MAPKAP1: variants seen among roughly 807,000 people sequenced by gnomAD.
MAPKAP1 encodes the protein target of rapamycin complex 2 subunit MAPKAP1.
In MAPKAP1, 20 loss-of-function variants were observed where a neutral mutation model predicts 65.7. The ratio of observed to expected loss-of-function variants is 0.30; its 90% CI spans 0.21 to 0.44. The LOEUF is 0.44. Ranked by LOEUF, MAPKAP1 falls within the 20% of genes least tolerant of loss-of-function variation. The pLI is 1.00. For missense variants in MAPKAP1, 423 were observed against 648.0 expected, an observed-to-expected ratio of 0.65 and a Z score of 3.77; for synonymous variants, 222 against 244.3, an observed-to-expected ratio of 0.91 and a Z score of 0.85.
intron 5 of MAPKAP1, among the ~76,000 whole-genome samples, chr9:125,566,665 G>C (rs1831064319): frequency 6.6e-6 from 1 of 152,174 alleles, no homozygotes; most frequent in South Asian, 2.1e-4. Context: ...ACCCAAAACT[G>C]AACTCCACTC....
intron 4 of MAPKAP1, among the ~76,000 whole-genome samples, chr9:125,632,225 G>GAA (rs57409863): frequency 4.2e-5 from 6 of 143,408 alleles, no homozygotes; most frequent in Non-Finnish European, 7.5e-5. Flanking sequence ...CCGTCTCAAA[G>GAA]AAAAAAAAAA....
At chr9:125,583,834 C>A (rs563711562) in intron 5 of MAPKAP1, among the ~76,000 whole-genome samples, 1 of 152,110 alleles carries the variant, frequency 6.6e-6, no homozygotes, top group South Asian at 2.1e-4. Flanking sequence ...GAGGCCGAGG[C>A]GGGTGGATCA....
chr9:125,470,596 T>C (rs901967371), intron 9 of MAPKAP1, among the ~76,000 whole-genome samples: 1 of 152,226 alleles, frequency 6.6e-6, no homozygotes, highest in African/African-American at 2.4e-5. Context: ...AGTTCATCCA[T>C]TACCAGCAGT....
intron 6 of MAPKAP1, among the ~76,000 whole-genome samples, chr9:125,549,619 C>T (rs1830527042): frequency 1.3e-5 from 2 of 152,162 alleles, no homozygotes; most frequent in South Asian, 2.1e-4. Flanking sequence ...AAACATAACT[C>T]GCTAGACTAA....
intron 10 of MAPKAP1, among the ~76,000 whole-genome samples, chr9:125,465,779 G>C (rs964479626): frequency 1.3e-5 from 2 of 152,198 alleles, no homozygotes; most frequent in African/African-American, 4.8e-5. Flanking sequence ...GGTATTCCTA[G>C]AGGCATGTGC....
At chr9:125,521,834 A>G (rs1022944510) in intron 7 of MAPKAP1, 6 of 1,505,610 alleles carry the variant, frequency 4.0e-6, no homozygotes, top group Non-Finnish European at 5.5e-6. Flanking sequence ...GAGCTACATG[A>G]AAGTGGTGAC....
chr9:125,646,170 T>C (rs1187382378), intron 4 of MAPKAP1, among the ~76,000 whole-genome samples: 3 of 152,108 alleles, frequency 2.0e-5, no homozygotes, highest in African/African-American at 4.8e-5. Flanking sequence ...CTCAAAGCCT[T>C]TGGGTGGTGA....
intron 8 of MAPKAP1, among the ~76,000 whole-genome samples, chr9:125,489,634 T>C (rs1293889136): frequency 6.6e-6 from 1 of 151,830 alleles, no homozygotes. Context: ...GTCTCGGGAA[T>C]ACAAAATCAG....
intron 1 of MAPKAP1, among the ~76,000 whole-genome samples, chr9:125,684,068 A>G (rs759756822): frequency 1.1e-4 from 17 of 152,222 alleles, no homozygotes; most frequent in Non-Finnish European, 2.5e-4. Context: ...ATAGCATTTT[A>G]TTTCTACCAT....
At chr9:125,633,766 A>G (rs1032860614) in intron 4 of MAPKAP1, among the ~76,000 whole-genome samples, 18 of 152,172 alleles carry the variant, frequency 1.2e-4, no homozygotes, top group Admixed American at 7.2e-4. Context: ...ATAAAAGGGG[A>G]AAAAAAGTAA....
At chr9:125,529,114 C>T (rs1829860305) in intron 7 of MAPKAP1, among the ~76,000 whole-genome samples, 1 of 143,294 alleles carries the variant, frequency 7.0e-6, no homozygotes, top group South Asian at 2.2e-4. Flanking sequence ...GTGGAGGTTG[C>T]AGTGGGCCAA....
intron 3 of MAPKAP1, among the ~76,000 whole-genome samples, chr9:125,666,231 T>A (rs1250580109): frequency 6.6e-6 from 1 of 152,230 alleles, no homozygotes; most frequent in Non-Finnish European, 1.5e-5. Context: ...ATTTCATTTA[T>A]CATGTGGTCT....
chr9:125,506,226 A>G (rs1294709545), intron 8 of MAPKAP1, 84 bp downstream of exon 8: 1 of 1,177,984 alleles, frequency 8.5e-7, no homozygotes, highest in Non-Finnish European at 1.3e-6. Flanking sequence ...TAGGGAAACC[A>G]GACCAGTGAG....
At chr9:125,607,196 A>C (rs952707686) in intron 4 of MAPKAP1, among the ~76,000 whole-genome samples, 1 of 152,368 alleles carries the variant, frequency 6.6e-6, no homozygotes, top group African/African-American at 2.4e-5. Flanking sequence ...ACCTACAAAA[A>C]TTGCAATTTC....
intron 9 of MAPKAP1, among the ~76,000 whole-genome samples, chr9:125,473,912 G>A (rs1854014378): frequency 6.6e-6 from 1 of 152,166 alleles, no homozygotes; most frequent in African/African-American, 2.4e-5. Context: ...ATAAAACGGA[G>A]ATGATAATAA....
At chr9:125,491,765 G>C (rs1854739433) in intron 8 of MAPKAP1, among the ~76,000 whole-genome samples, 1 of 149,954 alleles carries the variant, frequency 6.7e-6, no homozygotes, top group Non-Finnish European at 1.5e-5. Flanking sequence ...TTGTGACAGA[G>C]ACCCTATCTC....
intron 4 of MAPKAP1, among the ~76,000 whole-genome samples, chr9:125,649,131 C>T (rs759959972): frequency 1.3e-5 from 2 of 152,054 alleles, no homozygotes; most frequent in Non-Finnish European, 2.9e-5. Context: ...GAGCAAAGTA[C>T]CCCAGGATGA....
intron 7 of MAPKAP1, among the ~76,000 whole-genome samples, chr9:125,511,172 AT>A (rs1829289843): frequency 2.8e-5 from 4 of 142,802 alleles, no homozygotes; most frequent in African/African-American, 6.0e-5. Context: ...CACCATCATC[AT>A]CATCATCATC....
chr9:125,677,170 G>A (rs985994718), intron 1 of MAPKAP1, among the ~76,000 whole-genome samples: 1 of 152,166 alleles, frequency 6.6e-6, no homozygotes, highest in African/African-American at 2.4e-5. Context: ...CGGGTGCAGT[G>A]GCTCACACCT....
Sources: gnomAD v4.1 joint callset for allele counts (sites outside exome capture counted in the v4.1 genomes callset) on GRCh38, gnomAD v4.1.1 for gene constraint, MANE v1.5 for transcripts, NCBI Gene and HGNC (gene_info 2026-07-23, HGNC 2026-07-21) for gene names.